The following ERMP1 variants were observed in gnomAD, a reference collection of about 807,000 sequenced individuals.
The protein encoded by ERMP1 is Felix-ina.
A neutral mutation model predicts 92.0 loss-of-function variants in ERMP1; 86 were observed. That is an observed-to-expected ratio of 0.93 (90% CI 0.79 to 1.12). The LOEUF (loss-of-function observed/expected upper bound fraction) is 1.12. Ranked by LOEUF, ERMP1 falls within the 50% of genes most tolerant of loss-of-function variation. ERMP1 has a pLI of 0.00. For synonymous variants in ERMP1, 530 were observed against 412.8 expected, an observed-to-expected ratio of 1.28 and a Z score of -3.44; for missense variants, 1,342 against 1,116.3, an observed-to-expected ratio of 1.20 and a Z score of -2.88.
At position 5,812,877 on chromosome 9, in the gene ERMP1, T is replaced by A; in HGVS notation, c.1021+12A>T. The A allele has an allele frequency of 2.5e-6, 4 of 1,613,920 alleles. No individual in the cohort carries two copies. Among genetic ancestry groups the A allele is most frequent in the Admixed American group, 1.7e-5 (1 of 60,012 alleles). On this transcript the variant is annotated intron_variant, in intron 5 of 14. Coordinates refer to ENST00000339450, the MANE Select transcript of ERMP1 (RefSeq NM_024896.3). The stretch of plus-strand genomic sequence containing the variant: ...AATGCTGCACAGTAGGCCGTAACCA[T>A]TGACAATATACCTGGAATGTTCCCA...
chr9:5,791,410 T>G (rs967519587), intron 13 of ERMP1: 1 of 428,658 alleles, frequency 2.3e-6, no homozygotes, highest in Non-Finnish European at 4.7e-6. Context: ...ACTTGCATTA[T>G]GGAGGGCAAT....
At chr9:5,861,170 G>GCTGT (rs1554630171) in intron 5 of ERMP1, among the ~76,000 whole-genome samples, 2 of 102,078 alleles carry the variant, frequency 2.0e-5, no homozygotes, top group Non-Finnish European at 4.1e-5. Context: ...TGGCTTAGGG[G>GCTGT]GTGTGTGTGT....
rs916198808 is a variant in ERMP1, at chr9:5,832,983, G to C, written c.45C>G (p.Val15=). 4 of 1,561,204 alleles carry C rather than the reference G, an allele frequency of 2.6e-6. No homozygotes were observed. The African/African-American group carries it at 5.7e-5, about 22-fold the overall frequency. The part of the protein sequence containing the change: ...SESAAVRRHR[V]GVERREGAAA... Reference sequence around the variant, plus strand: ...CCGCTCCCTCTCGACGCTCTACTCCGACGCGGTGCCGCCTCACAGCAGCCG... The same window carrying C: ...CCGCTCCCTCTCGACGCTCTACTCCCACGCGGTGCCGCCTCACAGCAGCCG... Residue 15 remains valine (V), a synonymous_variant, in exon 1 of 15, where the codon GTC becomes GTG. Transcript: ENST00000339450.
At chr9:5,795,345 C>T (rs1289120934) in intron 13 of ERMP1, among the ~76,000 whole-genome samples, 5 of 152,178 alleles carry the variant, frequency 3.3e-5, no homozygotes, top group Non-Finnish European at 7.3e-5. Flanking sequence ...GCAAAGATGT[C>T]CCCTCTCACA....
At chr9:5,859,273 A>ATTTCTGTG (rs368728199) in intron 6 of ERMP1, among the ~76,000 whole-genome samples, 86,853 of 151,738 alleles carry the variant, frequency 0.57, 25,671 homozygotes, top group South Asian at 0.69. Context: ...ACACTTTGGC[A>ATTTCTGTG]AAGGGAGCTC....
chr9:5,801,153 A>G (rs1249961403), intron 11 of ERMP1, 23 bp downstream of exon 11: 1 of 1,597,448 alleles, frequency 6.3e-7, no homozygotes, highest in Non-Finnish European at 8.5e-7. Flanking sequence ...CAGATCTCAA[A>G]TACCTCATGC....
chr9:5,856,214 C>T, intron 6 of ERMP1: 3 of 289,014 alleles, frequency 1.0e-5, no homozygotes, highest in South Asian at 7.4e-5. Flanking sequence ...GCTGGGCATA[C>T]CTGTTCTCCA....
chr9:5,846,294 A>AC (rs2129745817), intron 6 of ERMP1, among the ~76,000 whole-genome samples: 1 of 151,686 alleles, frequency 6.6e-6, no homozygotes, highest in East Asian at 1.9e-4. Flanking sequence ...GTAGAGCAAG[A>AC]CCCCTCCCCC....
intron 8 of ERMP1, among the ~76,000 whole-genome samples, chr9:5,808,131 T>C (rs1357793945): frequency 6.6e-6 from 1 of 152,222 alleles, no homozygotes; most frequent in Non-Finnish European, 1.5e-5. Context: ...TCTCTTATGG[T>C]ATCATTCTTC....
At chr9:5,820,379 G>A (rs1829485810) in intron 4 of ERMP1, among the ~76,000 whole-genome samples, 1 of 152,134 alleles carries the variant, frequency 6.6e-6, no homozygotes, top group Non-Finnish European at 1.5e-5. Context: ...ATATATAAAT[G>A]TATATTAATG....
intron 13 of ERMP1, among the ~76,000 whole-genome samples, chr9:5,795,621 T>C (rs1263876042): frequency 6.6e-6 from 1 of 151,966 alleles, no homozygotes; most frequent in East Asian, 1.9e-4. Flanking sequence ...CTACTAAAAT[T>C]ACAAAAATTA....
chr9:5,864,768 C>G (rs777482244), intron 5 of ERMP1, among the ~76,000 whole-genome samples: 1 of 152,168 alleles, frequency 6.6e-6, no homozygotes, highest in Non-Finnish European at 1.5e-5. Context: ...TTCCCTGAGG[C>G]TCCATTCTGA....
rs370863180 is a variant in ERMP1 at position 5,840,349 on chromosome 9, T to C, written n.3200-7037A>G. Among the ~76,000 whole-genome samples the C allele has an allele frequency of 2.0e-5, 3 of 152,222 alleles. No individual in the cohort carries two copies. In the East Asian group the frequency reaches 5.8e-4, roughly 29 times the overall value. On this transcript the variant is annotated intron_variant and non_coding_transcript_variant, in intron 6 of 6. Transcript: ENST00000690753. ...GCATCCAACTCTAGAGGTAGGATCCTGTAATCTGTGATTCCTACATAAGCT... is the reference window on the plus strand; with the variant it reads ...GCATCCAACTCTAGAGGTAGGATCCCGTAATCTGTGATTCCTACATAAGCT...
At chr9:5,843,705 C>G (rs1830197174) in intron 6 of ERMP1, among the ~76,000 whole-genome samples, 1 of 152,184 alleles carries the variant, frequency 6.6e-6, no homozygotes, top group Non-Finnish European at 1.5e-5. Flanking sequence ...AGAACGCTTT[C>G]TGAAGTTTTT....
chr9:5,828,670 T>C (rs1025041638), intron 2 of ERMP1, among the ~76,000 whole-genome samples: 10 of 152,366 alleles, frequency 6.6e-5, no homozygotes, highest in Admixed American at 6.5e-4. Flanking sequence ...TCCTTGAGTA[T>C]CTCCCATGTA....
At chr9:5,845,613 C>T (rs1830225621) in intron 6 of ERMP1, among the ~76,000 whole-genome samples, 1 of 152,164 alleles carries the variant, frequency 6.6e-6, no homozygotes, top group Non-Finnish European at 1.5e-5. Flanking sequence ...CTTCCATTTG[C>T]TACCAGTGTC....
chr9:5,805,787 T>C lies in ERMP1; in HGVS notation c.1549-2A>G. The C allele has an allele frequency of 6.3e-7, 1 of 1,590,354 alleles. No individual in the cohort carries two copies. Among genetic ancestry groups the C allele is most frequent in the Non-Finnish European group, 8.5e-7 (1 of 1,171,598 alleles). ...TCCCAGATACTGGGCACTGGCATTC[T>C]GAAAGAAAGAAAAATATACAAGTAG... On this transcript the variant is annotated splice_acceptor_variant, in intron 8 of 14. Coordinates refer to ENST00000339450, the MANE Select transcript of ERMP1 (RefSeq NM_024896.3). LOFTEE classifies it high-confidence loss of function.
chr9:5,793,286 T>C (rs867716507), intron 13 of ERMP1, among the ~76,000 whole-genome samples: 11 of 148,928 alleles, frequency 7.4e-5, no homozygotes, highest in Admixed American at 2.7e-4. Flanking sequence ...AAAAAAATAG[T>C]AGTGTAACTG....
At chr9:5,851,527 G>A (rs1273693567) in intron 6 of ERMP1, among the ~76,000 whole-genome samples, 1 of 152,182 alleles carries the variant, frequency 6.6e-6, no homozygotes, top group Non-Finnish European at 1.5e-5. Context: ...AGGCGAGGGA[G>A]GGTTCGTGAT....
Sources: allele counts gnomAD v4.1 joint callset (sites outside exome capture counted in the v4.1 genomes callset), GRCh38; gene constraint gnomAD v4.1.1; transcripts MANE v1.5; gene names NCBI Gene and HGNC (gene_info 2026-07-23, HGNC 2026-07-21).